Variants in MAGEC3 observed in about 807,000 individuals in gnomAD.
MAGEC3 encodes MAGE family member C3, also known as melanoma-associated antigen C3.
MAGEC3 carries 34 observed loss-of-function variants against 35.3 expected under a neutral mutation model. The observed-to-expected ratio is 0.96, with a 90% CI of 0.73 to 1.28. MAGEC3 has a LOEUF of 1.28. Ranked by LOEUF, MAGEC3 falls within the 50% of genes most tolerant of loss-of-function variation. MAGEC3 has a pLI of 0.00. For missense variants in MAGEC3, 561 were observed against 483.6 expected, an observed-to-expected ratio of 1.16 and a Z score of -1.50; for synonymous variants, 202 against 185.6, an observed-to-expected ratio of 1.09 and a Z score of -0.72.
chrX:141,858,344 G>A (rs1041940383), intron 1 of MAGEC3, among the ~76,000 whole-genome samples: 6 of 110,310 alleles, frequency 5.4e-5, no homozygotes, highest in Admixed American at 9.7e-5. Context: ...TCCAGGTATC[G>A]GTTGTTTGCT....
chrX:141,885,547 C>T (rs1264054356), intron 4 of MAGEC3, among the ~76,000 whole-genome samples: 6 of 107,291 alleles, frequency 5.6e-5, no homozygotes, highest in Non-Finnish European at 1.2e-4. Context: ...CGCCTGTAAT[C>T]CCAGCTACTC....
intron 4 of MAGEC3, among the ~76,000 whole-genome samples, chrX:141,893,503 A>AATGTGTAATGTTG (rs2018058373): frequency 9.0e-6 from 1 of 111,018 alleles, no homozygotes; most frequent in Non-Finnish European, 1.9e-5. Flanking sequence ...TTACACACTT[A>AATGTGTAATGTTG]TCAAAACCTA....
chrX:141,843,727 G>C (rs1382943478), intron 1 of MAGEC3, among the ~76,000 whole-genome samples: 1 of 110,809 alleles, frequency 9.0e-6, no homozygotes, highest in Non-Finnish European at 1.9e-5. Flanking sequence ...AAATCCCTCT[G>C]ATTAGTAAGC....
rs1358865630 is a variant in MAGEC3, at chrX:141,865,595, C to T, written c.248C>T (p.Thr83Ile). Residue 83 changes from threonine to isoleucine, a missense_variant, in exon 2 of 8, where the codon ACA (threonine) becomes ATA (isoleucine). By Grantham distance (89) the Thr-to-Ile change is moderately conservative (BLOSUM62 -1). Transcript: ENST00000298296. ...ATGGATAGTCTTGTCCTCTGCCCCA[C>T]ATACTTCAAGGTAAGGACTCTAAGG... ...QRMDSLVLCP[T>I]YFKLWRTLSG... 1.7e-6 allele frequency: 2 copies of T among 1,203,389 alleles called. No homozygotes were observed. The highest frequency in any genetic ancestry group is 3.5e-5 in the African/African-American group (2 of 56,622).
At chrX:141,839,537 C>T (rs2017673879) in intron 1 of MAGEC3, 1 of 752,243 alleles carries the variant, frequency 1.3e-6, no homozygotes. Flanking sequence ...CTGGCTACAG[C>T]TAATCCTGGG....
At chrX:141,841,543 T>G (rs1374080137) in intron 1 of MAGEC3, among the ~76,000 whole-genome samples, 1 of 111,653 alleles carries the variant, frequency 9.0e-6, no homozygotes, top group African/African-American at 3.2e-5. Context: ...ACTGTAGATA[T>G]TTGTTTATGT....
intron 4 of MAGEC3, among the ~76,000 whole-genome samples, chrX:141,888,610 A>G (rs750016967): frequency 3.9e-4 from 44 of 112,210 alleles, no homozygotes; most frequent in Non-Finnish European, 7.5e-4. Flanking sequence ...AGTGGATAGT[A>G]TGAGCCGTTC....
intron 4 of MAGEC3, among the ~76,000 whole-genome samples, chrX:141,888,818 G>A (rs2018020811): frequency 8.9e-6 from 1 of 112,027 alleles, no homozygotes; most frequent in Admixed American, 9.4e-5. Context: ...CTGAGCCCTC[G>A]ATATGGTACC....
At chrX:141,872,222 G>C (rs1013366987) in intron 2 of MAGEC3, among the ~76,000 whole-genome samples, 3 of 111,308 alleles carry the variant, frequency 2.7e-5, no homozygotes, top group African/African-American at 9.8e-5. Context: ...GCCATTGGCT[G>C]TCGTTATCTA....
intron 2 of MAGEC3, among the ~76,000 whole-genome samples, chrX:141,867,865 G>A (rs2017859595): frequency 8.9e-6 from 1 of 112,370 alleles, no homozygotes; most frequent in Admixed American, 9.4e-5. Flanking sequence ...GCTCACGCCT[G>A]TAATTCCAGC....
intron 1 of MAGEC3, among the ~76,000 whole-genome samples, chrX:141,861,621 C>A (rs1010556097): frequency 9.9e-5 from 11 of 111,100 alleles, no homozygotes; most frequent in Non-Finnish European, 1.9e-4. Flanking sequence ...AAAACAAATC[C>A]ATATATTTAC....
chrX:141,897,679 C>T lies in MAGEC3; in HGVS notation c.1779C>T (p.Ser593=). Residue 593 remains serine (S), a synonymous_variant, in exon 8 of 8, where the codon TCC becomes TCT. Coordinates refer to ENST00000298296, the MANE Select transcript of MAGEC3 (RefSeq NM_138702.1). ...REVLEFLSKL[S]SIIPSAFPSW... ...TCTTAGAGTTTTTATCCAAGCTATC[C>T]AGTATCATCCCTAGTGCCTTTCCAT... 2.5e-6 allele frequency: 3 copies of T among 1,211,485 alleles called. No homozygotes were observed. Among genetic ancestry groups the T allele is most frequent in the Non-Finnish European group, 3.4e-6 (3 of 895,372 alleles).
In MAGEC3 at chrX:141,881,581, T is replaced by A; in HGVS notation, c.694T>A (p.Phe232Ile). 1 of 1,210,680 alleles carries A rather than the reference T, an allele frequency of 8.3e-7. No individual in the cohort carries two copies. The highest frequency in any genetic ancestry group is 1.1e-6 in the Non-Finnish European group (1 of 895,031). ...FPMIFRKAREFIEILFGISLT... is the reference protein window; with the variant it reads ...FPMIFRKAREIIEILFGISLT... Reference sequence around the variant, plus strand: ...TATGATCTTCAGGAAAGCCCGTGAGTTCATAGAGATTCTTTTTGGCATTTC... The same window carrying A: ...TATGATCTTCAGGAAAGCCCGTGAGATCATAGAGATTCTTTTTGGCATTTC... The change falls in exon 4 of 8, where the codon TTC (phenylalanine) becomes ATC (isoleucine). Residue 232 changes from phenylalanine to isoleucine, a missense_variant. By Grantham distance (21) the Phe-to-Ile change is conservative (BLOSUM62 0). Transcript: ENST00000298296.
intron 1 of MAGEC3, among the ~76,000 whole-genome samples, chrX:141,850,672 A>G (rs1217019961): frequency 3.6e-5 from 4 of 111,907 alleles, no homozygotes; most frequent in Middle Eastern, 4.6e-3. Flanking sequence ...ATAATGTTTA[A>G]CCAAACATCT....
chrX:141,879,432 G>C lies in MAGEC3; in HGVS notation c.515+1G>C, dbSNP rs752384342. 1.9e-5 allele frequency: 22 copies of C among 1,171,450 alleles called. No individual in the cohort carries two copies. Among genetic ancestry groups the C allele is most frequent in the Non-Finnish European group, 2.2e-5 (19 of 874,727 alleles). ...GGTTGTGGGGGGAGAAAGCGGGGAG[G>C]TGGGCAGGGAAATATGGACGAGGGC... is the stretch of plus-strand genomic sequence containing the variant. On this transcript the variant is annotated splice_donor_variant, in intron 3 of 7. Transcript: ENST00000298296. LOFTEE classifies it high-confidence loss of function.
intron 4 of MAGEC3, among the ~76,000 whole-genome samples, chrX:141,887,221 G>A (rs771357505): frequency 6.4e-4 from 72 of 112,355 alleles, no homozygotes; most frequent in African/African-American, 2.2e-3. Flanking sequence ...TACCTTTACC[G>A]TCATACCTCA....
At chrX:141,863,240 C>G (rs753358802) in intron 1 of MAGEC3, among the ~76,000 whole-genome samples, 1 of 110,611 alleles carries the variant, frequency 9.0e-6, no homozygotes, top group East Asian at 2.9e-4. Flanking sequence ...GTATATCATA[C>G]CAAATCTATG....
At chrX:141,872,410 G>C (rs909984211) in intron 2 of MAGEC3, among the ~76,000 whole-genome samples, 1 of 110,995 alleles carries the variant, frequency 9.0e-6, no homozygotes. Context: ...TGTCTGTTTT[G>C]TTCTAGGCAT....
intron 1 of MAGEC3, among the ~76,000 whole-genome samples, chrX:141,841,297 T>C (rs2017684131): frequency 8.9e-6 from 1 of 112,015 alleles, no homozygotes; most frequent in Non-Finnish European, 1.9e-5. Context: ...TTGCATCTTC[T>C]TAAAGAGGAA....
Sources: gnomAD v4.1 joint callset for allele counts (sites outside exome capture counted in the v4.1 genomes callset) on GRCh38, gnomAD v4.1.1 for gene constraint, MANE v1.5 for transcripts, NCBI Gene and HGNC (gene_info 2026-07-23, HGNC 2026-07-21) for gene names.